Variants in FBXW11 observed in about 807,000 individuals in gnomAD.
FBXW11 encodes the protein F-box/WD repeat-containing protein 11.
In FBXW11, 19 loss-of-function variants were observed where a neutral mutation model predicts 77.6. The observed-to-expected ratio is 0.24, with a 90% CI of 0.17 to 0.36. The LOEUF (loss-of-function observed/expected upper bound fraction) is 0.36, where lower values mean the gene tolerates loss of function less well. Ranked by LOEUF, FBXW11 falls within the 10% of genes least tolerant of loss-of-function variation. The probability of loss-of-function intolerance (pLI) is 1.00; values close to 1 mark genes in which losing one functional copy is unlikely to be tolerated. For synonymous variants in FBXW11, 235 were observed against 249.4 expected (o/e 0.94, Z 0.54); for missense variants, 334 against 704.2 (o/e 0.47, Z 5.95).
chr5:171,925,824 G>T (rs1205715617), intron 2 of FBXW11, among the ~76,000 whole-genome samples: 1 of 152,110 alleles, frequency 6.6e-6, no homozygotes, highest in Non-Finnish European at 1.5e-5. Flanking sequence ...TTAAAACATG[G>T]TCAGCAGGTA....
intron 1 of FBXW11, chr5:171,997,160 G>A: frequency 2.1e-6 from 2 of 960,240 alleles, no homozygotes; most frequent in South Asian, 1.4e-5. Context: ...CTGAGGCACA[G>A]GAAAAAAGTT....
chr5:171,994,450 A>T (rs1454980331), intron 1 of FBXW11, among the ~76,000 whole-genome samples: 1 of 152,246 alleles, frequency 6.6e-6, no homozygotes, highest in Non-Finnish European at 1.5e-5. Context: ...CGTGATGCTC[A>T]AAAGAAATGC....
intron 2 of FBXW11, among the ~76,000 whole-genome samples, chr5:171,923,060 G>A (rs1001855374): frequency 2.0e-5 from 3 of 151,836 alleles, no homozygotes; most frequent in African/African-American, 4.8e-5. Context: ...GACTACAGGC[G>A]TGCACCACCA....
chr5:171,880,382 C>T (rs535331445), intron 7 of FBXW11, among the ~76,000 whole-genome samples: 1 of 152,194 alleles, frequency 6.6e-6, no homozygotes, highest in Non-Finnish European at 1.5e-5. Context: ...AGTGTTAGTC[C>T]TCTGTCTTTA....
intron 4 of FBXW11, among the ~76,000 whole-genome samples, chr5:171,906,895 C>A (rs1760564918): frequency 2.0e-5 from 3 of 152,168 alleles, no homozygotes; most frequent in Admixed American, 2.0e-4. Context: ...CATTTATGGT[C>A]CATAATGGCT....
chr5:171,873,027 A>G, intron 9 of FBXW11, 37 bp from the exon 10 acceptor site: 2 of 1,522,526 alleles, frequency 1.3e-6, no homozygotes, highest in Non-Finnish European at 1.8e-6. Context: ...AAGAATGAAC[A>G]CAGGAAAGTC....
chr5:171,975,992 A>G (rs1292621832), intron 1 of FBXW11, among the ~76,000 whole-genome samples: 1 of 152,180 alleles, frequency 6.6e-6, no homozygotes, highest in African/African-American at 2.4e-5. Flanking sequence ...TATATACAGC[A>G]TTTACTAACA....
intron 1 of FBXW11, among the ~76,000 whole-genome samples, chr5:171,992,534 G>GAAGGA (rs537926581): frequency 5.3e-5 from 8 of 151,858 alleles, no homozygotes; most frequent in Admixed American, 1.3e-4. Context: ...AAAAGAAAAA[G>GAAGGA]AAGGAAAGGA....
chr5:171,985,598 A>G (rs1173381545), intron 1 of FBXW11, among the ~76,000 whole-genome samples: 3 of 152,154 alleles, frequency 2.0e-5, no homozygotes, highest in African/African-American at 7.2e-5. Flanking sequence ...TCTACAAAAA[A>G]AAAATTAAAA....
intron 1 of FBXW11, among the ~76,000 whole-genome samples, chr5:171,970,407 T>C (rs1764458058): frequency 6.6e-6 from 1 of 152,218 alleles, no homozygotes; most frequent in Non-Finnish European, 1.5e-5. Flanking sequence ...CTCCCAGCCA[T>C]GCAGAACTGT....
At chr5:171,883,000 T>C (rs1298978299) in intron 7 of FBXW11, among the ~76,000 whole-genome samples, 1 of 151,800 alleles carries the variant, frequency 6.6e-6, no homozygotes, top group East Asian at 1.9e-4. Context: ...TGCGTCCTCA[T>C]AGCTTAGCTC....
At chr5:171,986,599 C>T (rs770076187) in intron 1 of FBXW11, among the ~76,000 whole-genome samples, 1 of 151,888 alleles carries the variant, frequency 6.6e-6, no homozygotes, top group Non-Finnish European at 1.5e-5. Flanking sequence ...TGGTGGTGTG[C>T]GCCTGTAGTC....
At chr5:171,865,404 G>C (rs1757324088) in intron 13 of FBXW11, among the ~76,000 whole-genome samples, 1 of 152,116 alleles carries the variant, frequency 6.6e-6, no homozygotes, top group Admixed American at 6.5e-5. Context: ...AATGATCATA[G>C]CATTGTTTTT....
At chr5:172,002,157 A>C (rs1455745403) in intron 1 of FBXW11, among the ~76,000 whole-genome samples, 1 of 152,210 alleles carries the variant, frequency 6.6e-6, no homozygotes, top group Non-Finnish European at 1.5e-5. Flanking sequence ...GGCTCAAACA[A>C]CACTAGTAAG....
At chr5:171,891,359 G>C (rs1759333900) in intron 7 of FBXW11, 108 bp downstream of exon 7, 2 of 1,018,184 alleles carry the variant, frequency 2.0e-6, no homozygotes, top group African/African-American at 1.7e-5. Flanking sequence ...CCAAGATTGA[G>C]TGGAAGAGAT....
chr5:171,879,788 A>T (rs1201794911), intron 7 of FBXW11, among the ~76,000 whole-genome samples: 1 of 152,216 alleles, frequency 6.6e-6, no homozygotes, highest in African/African-American at 2.4e-5. Context: ...CCTTATTTTT[A>T]AAAATCAGGT....
intron 2 of FBXW11, among the ~76,000 whole-genome samples, chr5:171,946,980 A>G (rs1422626592): frequency 6.6e-6 from 1 of 151,736 alleles, no homozygotes; most frequent in Non-Finnish European, 1.5e-5. Context: ...ACGCCTGGCT[A>G]ATTTTTGTAT....
chr5:171,905,464 TCA>T (rs1379747639), intron 4 of FBXW11, among the ~76,000 whole-genome samples: 1 of 152,114 alleles, frequency 6.6e-6, no homozygotes, highest in Non-Finnish European at 1.5e-5. Flanking sequence ...TCAAGAAATA[TCA>T]GTCTTTGTTC....
chr5:171,891,710 A>G lies in FBXW11; in HGVS notation c.715-106T>C, dbSNP rs746168036. 6 of 1,123,366 alleles carry G rather than the reference A, an allele frequency of 5.3e-6. No individual in the cohort carries two copies. In the Admixed American group the frequency reaches 9.7e-5, roughly 18 times the overall value. 69.6% of individuals were successfully genotyped at this position (1,123,366 alleles called of 1,614,324 possible). A position where few individuals can be genotyped will look rare whatever the true frequency, so the allele number is the denominator to read the frequency against. On this transcript the variant is annotated intron_variant, in intron 6 of 13. Transcript: ENST00000517395. ...GAAACAGCATACCACCGATACCCCA[A>G]TCTTGGTTTGCATAACTGTCTGTGG... is the stretch of plus-strand genomic sequence containing the variant.
Sources: allele counts gnomAD v4.1 joint callset (sites outside exome capture counted in the v4.1 genomes callset), GRCh38; gene constraint gnomAD v4.1.1; transcripts MANE v1.5; gene names NCBI Gene and HGNC (gene_info 2026-07-23, HGNC 2026-07-21).